The following SMO variants were observed in gnomAD, a reference collection of about 807,000 sequenced individuals.
SMO encodes the protein protein smoothened.
SMO carries 40 observed loss-of-function variants against 81.6 expected under a neutral mutation model. The ratio of observed to expected loss-of-function variants is 0.49; its 90% CI spans 0.38 to 0.64. The LOEUF (loss-of-function observed/expected upper bound fraction) is 0.64, where lower values mean the gene tolerates loss of function less well. SMO is among the 30% of genes least tolerant of loss of function. The pLI is 0.00. For missense variants in SMO, 916 were observed against 1,061.1 expected, an observed-to-expected ratio of 0.86 and a Z score of 1.90; for synonymous variants, 434 against 432.1, an observed-to-expected ratio of 1.00 and a Z score of -0.05.
intron 1 of SMO, among the ~76,000 whole-genome samples, chr7:129,195,464 A>G (rs1331288063): frequency 6.6e-6 from 1 of 152,176 alleles, no homozygotes; most frequent in Non-Finnish European, 1.5e-5. Context: ...TTAAATGCTT[A>G]CTGGCCTTTA....
At chr7:129,209,151 C>A (rs950780544) in intron 7 of SMO, 138 bp from the exon 8 acceptor site, 1 of 633,418 alleles carries the variant, frequency 1.6e-6, no homozygotes, top group Non-Finnish European at 2.9e-6. Context: ...GAAAGCAGTT[C>A]TTGGACTGAG....
chr7:129,200,209 A>G (rs1380154250), intron 1 of SMO, among the ~76,000 whole-genome samples: 1 of 152,168 alleles, frequency 6.6e-6, no homozygotes, highest in East Asian at 1.9e-4. Flanking sequence ...CGAGGTCAGG[A>G]GATCGAGACC....
chr7:129,191,518 T>C (rs1346319812), intron 1 of SMO, among the ~76,000 whole-genome samples: 2 of 152,120 alleles, frequency 1.3e-5, no homozygotes, highest in African/African-American at 4.8e-5. Context: ...GGTTGCACTC[T>C]TTCTGCTTGG....
chr7:129,198,269 T>C (rs945278804), intron 1 of SMO, among the ~76,000 whole-genome samples: 3 of 152,198 alleles, frequency 2.0e-5, no homozygotes, highest in Non-Finnish European at 4.4e-5. Context: ...TTAATTACTT[T>C]TAAAAAATAG....
In SMO at chr7:129,211,250, A is replaced by G; in HGVS notation, c.1801+137A>G. On this transcript the variant is annotated intron_variant, in intron 10 of 11. Transcript: ENST00000249373. This position sits in a 1 kb window ranked among gnomAD's most constrained non-coding sequence, Gnocchi z 4.6. ...GCAAGGCGCTCCCTCCATCGCTCAC[A>G]CACCCATTCTTCCCCCGGCCCCTCC... is the stretch of plus-strand genomic sequence containing the variant. 5.3e-6 allele frequency: 5 copies of G among 947,186 alleles called. No individual in the cohort carries two copies. The South Asian group carries it at 7.0e-5, about 13-fold the overall frequency. 58.7% of individuals were successfully genotyped at this position (947,186 alleles called of 1,614,324 possible).
At chr7:129,197,260 A>G (rs1271342221) in intron 1 of SMO, among the ~76,000 whole-genome samples, 1 of 152,052 alleles carries the variant, frequency 6.6e-6, no homozygotes, top group Non-Finnish European at 1.5e-5. Flanking sequence ...AAACATCTTA[A>G]TTCTTGACTT....
intron 1 of SMO, among the ~76,000 whole-genome samples, chr7:129,196,353 G>GTGTGTGTT (rs1793579040): frequency 6.6e-6 from 1 of 151,434 alleles, no homozygotes; most frequent in Admixed American, 6.6e-5. Context: ...GTGTGTGTGT[G>GTGTGTGTT]TGTTTTAATA....
At chr7:129,195,195 C>T (rs1278581212) in intron 1 of SMO, among the ~76,000 whole-genome samples, 1 of 152,218 alleles carries the variant, frequency 6.6e-6, no homozygotes, top group Non-Finnish European at 1.5e-5. Flanking sequence ...GCACAAGTTC[C>T]TTCAGGTATA....
At chr7:129,198,923 TG>T (rs778226902) in intron 1 of SMO, among the ~76,000 whole-genome samples, 3 of 152,252 alleles carry the variant, frequency 2.0e-5, no homozygotes, top group Non-Finnish European at 4.4e-5. Flanking sequence ...ATTATAATGG[TG>T]TACATTATTT....
Position 129,210,313 on chromosome 7 carries a change from A to G in SMO, c.1467-50A>G, listed in dbSNP as rs2150653501. On this transcript the variant is annotated intron_variant, in intron 8 of 11. Coordinates refer to ENST00000249373, the MANE Select transcript of SMO (RefSeq NM_005631.5). The surrounding 1 kb of genome is among the most constrained non-coding windows in gnomAD (Gnocchi z 4.7). ...GAGCAAGATCCTATCTCAAAAAAAG[A>G]GAGAGGAAAAGAAAGGAAAGCCTCA... The G allele has an allele frequency of 6.7e-7, 1 of 1,483,088 alleles. No homozygotes were observed. The highest frequency in any genetic ancestry group is 9.4e-7 in the Non-Finnish European group (1 of 1,063,262). The allele number at this position is 1,483,088 out of a possible 1,614,324, so 91.9% of individuals were successfully genotyped here.
intron 1 of SMO, among the ~76,000 whole-genome samples, chr7:129,190,136 G>A (rs1793460764): frequency 6.6e-6 from 1 of 152,182 alleles, no homozygotes; most frequent in African/African-American, 2.4e-5. Context: ...CATGCAGGAG[G>A]TTATGAAGGA....
chr7:129,193,212 C>T (rs1793504224), intron 1 of SMO, among the ~76,000 whole-genome samples: 1 of 152,180 alleles, frequency 6.6e-6, no homozygotes, highest in Non-Finnish European at 1.5e-5. Context: ...TCCCTGAGAG[C>T]CAGCACGTAG....
Position 129,212,352 on chromosome 7 carries a change from C to T in SMO, c.2265C>T (p.Pro755=), listed in dbSNP as rs1284739237. ...QDPFLPSAPA[P]VAWAHGRRQG... is the part of the protein sequence containing the mutation. The stretch of plus-strand genomic sequence containing the variant: ...CATTTCTGCCCAGTGCACCGGCCCC[C>T]GTGGCATGGGCTCATGGCCGCCGAC... Residue 755 remains proline (P), a synonymous_variant, in exon 12 of 12, where the codon CCC becomes CCT. Coordinates refer to ENST00000249373, the MANE Select transcript of SMO (RefSeq NM_005631.5). This position sits in a 1 kb window ranked among gnomAD's most constrained non-coding sequence, Gnocchi z 5.0. The T allele has an allele frequency of 1.1e-5, 17 of 1,614,132 alleles. No homozygotes were observed. Among genetic ancestry groups the T allele is most frequent in the South Asian group, 7.7e-5 (7 of 91,084 alleles).
Position 129,212,114 on chromosome 7 carries a change from G to A in SMO, c.2027G>A (p.Arg676Lys), listed in dbSNP as rs2150656488. 2 of 1,570,464 alleles carry A rather than the reference G, an allele frequency of 1.3e-6. No individual in the cohort carries two copies. The highest frequency in any genetic ancestry group is 2.3e-5 in the South Asian group (2 of 86,312). Residue 676 changes from arginine to lysine, a missense_variant, in exon 12 of 12, where the codon AGG (arginine) becomes AAG (lysine). Arg to Lys is a conservative substitution (Grantham distance 26). Transcript: ENST00000249373. This position sits in a 1 kb window ranked among gnomAD's most constrained non-coding sequence, Gnocchi z 5.0. ...CGCCTGGGCCGGAAGAAGAAGAGGAGGAAGAGGAAGAAGGAGGTGTGCCCG... is the reference window on the plus strand; with the variant it reads ...CGCCTGGGCCGGAAGAAGAAGAGGAAGAAGAGGAAGAAGGAGGTGTGCCCG... ...QKRLGRKKKR[R>K]KRKKEVCPLA... is the part of the protein sequence containing the mutation.
Position 129,208,664 on chromosome 7 carries a change from G to A in SMO, c.1265-95G>A. On this transcript the variant is annotated intron_variant, in intron 6 of 11. Transcript: ENST00000249373. This position sits in a 1 kb window ranked among gnomAD's most constrained non-coding sequence, Gnocchi z 5.2. ...TTAGCACAGGGGTAATCAGACTTGG[G>A]ACTCCAGAGCCTTAGGACCCTCCTC... The A allele has an allele frequency of 1.4e-6, 1 of 735,738 alleles. No individual in the cohort carries two copies. Among genetic ancestry groups the A allele is most frequent in the South Asian group, 1.5e-5 (1 of 65,662 alleles). 45.6% of individuals were successfully genotyped at this position (735,738 alleles called of 1,614,324 possible). A position where few individuals can be genotyped will look rare whatever the true frequency, so the allele number is the denominator to read the frequency against.
chr7:129,204,741 G>A (rs1269354133), intron 2 of SMO, among the ~76,000 whole-genome samples: 2 of 152,106 alleles, frequency 1.3e-5, no homozygotes, highest in Non-Finnish European at 2.9e-5. Context: ...AAACTGGCCG[G>A]GCGCAGTGGC....
chr7:129,201,766 C>T (rs867903805), intron 1 of SMO, among the ~76,000 whole-genome samples: 6 of 152,024 alleles, frequency 3.9e-5, no homozygotes, highest in Admixed American at 1.3e-4. Flanking sequence ...CCGCAACCTC[C>T]ACCTCCTAGG....
At position 129,211,170 on chromosome 7, in the gene SMO, G is replaced by A. The variant is rs2150655024; in HGVS notation, c.1801+57G>A. The stretch of plus-strand genomic sequence containing the variant: ...CTGGCCCCGCGCTGCCCATGTGCTA[G>A]TCTCTCCCAGCCTGCTGGGGGCACA... On this transcript the variant is annotated intron_variant, in intron 10 of 11. Transcript: ENST00000249373. This position sits in a 1 kb window ranked among gnomAD's most constrained non-coding sequence, Gnocchi z 4.6. 1 of 1,542,268 alleles carries A rather than the reference G, an allele frequency of 6.5e-7. No individual in the cohort carries two copies. Among genetic ancestry groups the A allele is most frequent in the African/African-American group, 1.4e-5 (1 of 73,364 alleles).
At chr7:129,193,935 T>C in intron 1 of SMO, among the ~76,000 whole-genome samples, 1 of 144,588 alleles carries the variant, frequency 6.9e-6, no homozygotes, top group Non-Finnish European at 1.5e-5. Context: ...TGAGACCCCA[T>C]CTCTAAAAAA....
Sources: gnomAD v4.1 joint callset for allele counts (sites outside exome capture counted in the v4.1 genomes callset) on GRCh38, gnomAD v4.1.1 for gene constraint, Gnocchi (gnomAD v3.1) non-coding constraint, MANE v1.5 for transcripts, NCBI Gene and HGNC (gene_info 2026-07-23, HGNC 2026-07-21) for gene names.